PXK: variants seen among roughly 807,000 people sequenced by gnomAD.
The protein encoded by PXK is PX domain containing serine/threonine kinase like, also known as PX domain-containing protein kinase-like protein.
In PXK, 35 loss-of-function variants were observed where a neutral mutation model predicts 84.7. The observed-to-expected ratio is 0.41, with a 90% CI of 0.32 to 0.55. The LOEUF (loss-of-function observed/expected upper bound fraction) is 0.55, where lower values mean the gene tolerates loss of function less well. PXK is among the 20% of genes least tolerant of loss of function. The pLI is 0.21. For synonymous variants in PXK, 253 were observed against 260.8 expected (o/e 0.97, Z 0.29); for missense variants, 634 against 699.7 (o/e 0.91, Z 1.06).
At chr3:58,378,506 T>TGTGTGTGTGTGTG (rs1217085532) in intron 3 of PXK, among the ~76,000 whole-genome samples, 2 of 66,478 alleles carry the variant, frequency 3.0e-5, no homozygotes, top group African/African-American at 1.1e-4. Context: ...TTTTTTTTTT[T>TGTGTGTGTGTGTG]TTTTTTTGTG....
In PXK at chr3:58,379,454, CA is replaced by C. The variant is rs544610092; in HGVS notation, c.202-3055del. 457 of 158,148 alleles carry C rather than the reference CA, an allele frequency of 2.9e-3. 2 individuals are homozygous for C. The highest frequency in any genetic ancestry group is 0.011 in the African/African-American group (437 of 41,488). The allele number at this position is 158,148 out of a possible 1,614,324, so 9.8% of individuals were successfully genotyped here. Reference sequence around the variant, plus strand: ...CAACATTATCTTCCCATAATTCTGGCAAAAAGGAGTCCTGGGATACCTCTGA... The same window carrying C: ...CAACATTATCTTCCCATAATTCTGGCAAAAGGAGTCCTGGGATACCTCTGA... On this transcript the variant is annotated intron_variant, in intron 3 of 17. Coordinates refer to ENST00000356151, the MANE Select transcript of PXK (RefSeq NM_017771.5). The surrounding 1 kb of genome is among the most constrained non-coding windows in gnomAD (Gnocchi z 5.1).
chr3:58,334,894 G>A (rs905722873), intron 1 of PXK, among the ~76,000 whole-genome samples: 20 of 152,044 alleles, frequency 1.3e-4, no homozygotes, highest in Admixed American at 7.9e-4. Context: ...GCTAGGTGGC[G>A]AAAGATGTAA....
intron 12 of PXK, among the ~76,000 whole-genome samples, chr3:58,402,359 G>C (rs1039718210): frequency 2.1e-4 from 32 of 150,922 alleles, no homozygotes; most frequent in African/African-American, 7.3e-4. Context: ...TCTAGCTGTG[G>C]AGTAGCTGGG....
chr3:58,405,087 A>G lies in PXK; in HGVS notation c.1230+1177A>G, dbSNP rs116077045. ...GCTCTTCCCCTAAGCCAGAGAGCCTATGCAGCAAAGATAGTATGATTTTAA... is the reference window on the plus strand; with the variant it reads ...GCTCTTCCCCTAAGCCAGAGAGCCTGTGCAGCAAAGATAGTATGATTTTAA... On this transcript the variant is annotated intron_variant, in intron 13 of 17. Transcript: ENST00000356151. Among the ~76,000 whole-genome samples the G allele has an allele frequency of 8.8e-3, 1,336 of 152,342 alleles. 24 individuals are homozygous for G. Among genetic ancestry groups the G allele is most frequent in the African/African-American group, 0.031 (1,282 of 41,580 alleles).
At chr3:58,351,130 A>C (rs2097913937) in intron 1 of PXK, among the ~76,000 whole-genome samples, 1 of 152,206 alleles carries the variant, frequency 6.6e-6, no homozygotes, top group African/African-American at 2.4e-5. Context: ...AAAAAGGTGC[A>C]TTTATCATTG....
At chr3:58,418,296 G>A (rs1355387408) in intron 17 of PXK, among the ~76,000 whole-genome samples, 1 of 152,186 alleles carries the variant, frequency 6.6e-6, no homozygotes, top group Admixed American at 6.5e-5. Flanking sequence ...TTCTTATCCA[G>A]TGTGAGTGGA....
chr3:58,422,398 C>G, intron 17 of PXK: 1 of 985,418 alleles, frequency 1.0e-6, no homozygotes. Context: ...CATCAAGCCC[C>G]ACCGGACTGC....
At chr3:58,419,582 C>T (rs763580389) in intron 17 of PXK, among the ~76,000 whole-genome samples, 9 of 152,180 alleles carry the variant, frequency 5.9e-5, no homozygotes, top group Non-Finnish European at 1.0e-4. Context: ...AGTTTTTACA[C>T]AGAAAGGTGG....
chr3:58,359,426 G>C (rs951173704), intron 1 of PXK, among the ~76,000 whole-genome samples: 7 of 151,738 alleles, frequency 4.6e-5, no homozygotes, highest in Admixed American at 4.6e-4. Context: ...AGCTACTCGG[G>C]AGGCTGAGGT....
At chr3:58,338,759 C>A (rs562175744) in intron 1 of PXK, among the ~76,000 whole-genome samples, 6 of 150,084 alleles carry the variant, frequency 4.0e-5, no homozygotes, top group Non-Finnish European at 4.4e-5. Context: ...GATCTCGGCT[C>A]ACCGCAACCT....
At chr3:58,347,901 A>G (rs958508015) in intron 1 of PXK, among the ~76,000 whole-genome samples, 8 of 152,038 alleles carry the variant, frequency 5.3e-5, no homozygotes, top group Non-Finnish European at 8.8e-5. Flanking sequence ...GAAGGTTTCT[A>G]TGAGGCTAAT....
intron 1 of PXK, among the ~76,000 whole-genome samples, chr3:58,360,354 A>C (rs2098161933): frequency 6.6e-6 from 1 of 152,216 alleles, no homozygotes; most frequent in South Asian, 2.1e-4. Flanking sequence ...ATGATAGTGT[A>C]ATACGATCAA....
At position 58,383,128 on chromosome 3, in the gene PXK, C is replaced by A. The variant is rs977393611; in HGVS notation, c.388+428C>A. ...CCAACATGGTGAAACCCTGTCTCTACTAAAAATACAAAAATTAGCCAGGCA... is the reference window on the plus strand; with the variant it reads ...CCAACATGGTGAAACCCTGTCTCTAATAAAAATACAAAAATTAGCCAGGCA... On this transcript the variant is annotated intron_variant, in intron 4 of 17. Transcript: ENST00000356151. The surrounding 1 kb of genome is among the most constrained non-coding windows in gnomAD (Gnocchi z 4.0). 2.0e-5 allele frequency among the ~76,000 whole-genome samples: 3 copies of A among 152,126 alleles called. No homozygotes were observed. The highest frequency in any genetic ancestry group is 7.2e-5 in the African/African-American group (3 of 41,434).
At chr3:58,402,651 G>C (rs971055546) in intron 12 of PXK, among the ~76,000 whole-genome samples, 3 of 151,204 alleles carry the variant, frequency 2.0e-5, no homozygotes, top group Non-Finnish European at 4.4e-5. Context: ...GGCTGGTCTT[G>C]AACTCCTGAC....
chr3:58,334,924 TA>T (rs1489863390), intron 1 of PXK, among the ~76,000 whole-genome samples: 6,867 of 149,996 alleles, frequency 0.046, 565 homozygotes, highest in African/African-American at 0.16. Flanking sequence ...GTTTTTATTG[TA>T]AGGGTGTGTG....
chr3:58,354,695 AC>A (rs2098029559), intron 1 of PXK, among the ~76,000 whole-genome samples: 1 of 150,824 alleles, frequency 6.6e-6, no homozygotes, highest in South Asian at 2.2e-4. Flanking sequence ...TGAATCGCCC[AC>A]CTCGGCCTCC....
At chr3:58,359,332 C>T (rs902683713) in intron 1 of PXK, among the ~76,000 whole-genome samples, 31 of 151,724 alleles carry the variant, frequency 2.0e-4, no homozygotes, top group African/African-American at 7.5e-4. Flanking sequence ...GAGATCGAGA[C>T]CATCCTGACC....
chr3:58,372,030 T>TA (rs1267287411), intron 3 of PXK, among the ~76,000 whole-genome samples: 1 of 152,048 alleles, frequency 6.6e-6, no homozygotes, highest in African/African-American at 2.4e-5. Context: ...AAGAGAAATA[T>TA]AATACACATA....
At chr3:58,367,827 C>T (rs935411241) in intron 2 of PXK, among the ~76,000 whole-genome samples, 1 of 152,090 alleles carries the variant, frequency 6.6e-6, no homozygotes, top group African/African-American at 2.4e-5. Flanking sequence ...GAACTATAGG[C>T]AGGTGCCACT....
Sources: gnomAD v4.1 joint callset for allele counts (sites outside exome capture counted in the v4.1 genomes callset) on GRCh38, gnomAD v4.1.1 for gene constraint, Gnocchi (gnomAD v3.1) non-coding constraint, MANE v1.5 for transcripts, NCBI Gene and HGNC (gene_info 2026-07-23, HGNC 2026-07-21) for gene names.